Variants in TF observed in about 807,000 individuals in gnomAD.
TF encodes serotransferrin.
TF carries 55 observed loss-of-function variants against 82.4 expected under a neutral mutation model. The ratio of observed to expected loss-of-function variants is 0.67; its 90% confidence interval spans 0.54 to 0.84. The LOEUF is 0.84. Ranked by LOEUF, TF falls within the 40% of genes least tolerant of loss-of-function variation. The pLI is 0.00. For synonymous variants in TF, 332 were observed against 332.6 expected (o/e 1.00, Z 0.02); for missense variants, 737 against 868.4 (o/e 0.85, Z 1.90).
upstream of TF, among the ~76,000 whole-genome samples, chr3:133,742,785 C>T: frequency 6.6e-6 from 1 of 152,186 alleles, no homozygotes; most frequent in East Asian, 1.9e-4. Context: ...TTGGAAACAA[C>T]AAATATTGGT....
At chr3:133,695,908 C>T in the TF span, among the ~76,000 whole-genome samples, 1 of 152,118 alleles carries the variant, frequency 6.6e-6, no homozygotes, top group Non-Finnish European at 1.5e-5. Context: ...ACAGCATTGA[C>T]AAAGGGAGGA....
At chr3:133,724,378 G>A in the TF span, among the ~76,000 whole-genome samples, 1 of 152,160 alleles carries the variant, frequency 6.6e-6, no homozygotes, top group African/African-American at 2.4e-5. Context: ...TCTCATTGTG[G>A]TTTTGATTTG....
the TF span, among the ~76,000 whole-genome samples, chr3:133,680,351 A>G: frequency 6.6e-6 from 1 of 151,792 alleles, no homozygotes; most frequent in East Asian, 1.9e-4. Context: ...AACTACAGGC[A>G]CATGCCACCA....
chr3:133,675,721 G>A, the TF span, among the ~76,000 whole-genome samples: 1 of 152,194 alleles, frequency 6.6e-6, no homozygotes, highest in East Asian at 1.9e-4. Flanking sequence ...CCAGGCTTGC[G>A]AAGAATTTCA....
chr3:133,678,392 A>G, the TF span, among the ~76,000 whole-genome samples: 4 of 152,196 alleles, frequency 2.6e-5, no homozygotes, highest in Non-Finnish European at 5.9e-5. Context: ...GGGATTGCTG[A>G]GTCAAATGGT....
the TF span, among the ~76,000 whole-genome samples, chr3:133,696,127 A>T: frequency 6.6e-6 from 1 of 152,136 alleles, no homozygotes; most frequent in Admixed American, 6.5e-5. Flanking sequence ...GCATATTGTT[A>T]TAATTGTTCA....
intron 5 of TF, 126 bp downstream of exon 5, chr3:133,755,621 C>A: frequency 2.2e-6 from 3 of 1,352,136 alleles, no homozygotes; most frequent in East Asian, 2.4e-5. Flanking sequence ...TAATCCCCTC[C>A]CAGTGAGTCA....
At chr3:133,672,304 A>G in the TF span, among the ~76,000 whole-genome samples, 3 of 152,202 alleles carry the variant, frequency 2.0e-5, no homozygotes, top group East Asian at 5.8e-4. Flanking sequence ...AAAGAATGCT[A>G]TTCTTACACA....
chr3:133,671,856 T>C, the TF span, among the ~76,000 whole-genome samples: 3 of 146,208 alleles, frequency 2.1e-5, no homozygotes, highest in Non-Finnish European at 4.5e-5. Flanking sequence ...ATAAAGAAGC[T>C]AGAGAAAGAC....
chr3:133,775,331 G>A lies in TF; in HGVS notation c.1688-102G>A, dbSNP rs41296594. ...CCCCAGTGTGGGCACTTCTGCTGGCGAGAAGGCCCAGGTTCTCTACACACC... is the reference window on the plus strand; with the variant it reads ...CCCCAGTGTGGGCACTTCTGCTGGCAAGAAGGCCCAGGTTCTCTACACACC... On this transcript the variant is annotated intron_variant, in intron 14 of 16. Coordinates refer to ENST00000402696, the MANE Select transcript of TF (RefSeq NM_001063.4). 1,404 of 1,242,500 alleles carry A rather than the reference G, an allele frequency of 1.1e-3. 10 individuals are homozygous for A. The African/African-American group carries it at 0.017, about 15-fold the overall frequency. The allele number at this position is 1,242,500 out of a possible 1,614,324, so 77.0% of individuals were successfully genotyped here. A position where few individuals can be genotyped will look rare whatever the true frequency, so the allele number is the denominator to read the frequency against.
At position 133,784,078 on chromosome 3, in the gene TF, T is replaced by C. The variant is rs1934582722; in HGVS notation, c.*5458T>C. The C allele has an allele frequency of 6.6e-6, 1 of 152,308 alleles. No homozygotes were observed. Among genetic ancestry groups the C allele is most frequent in the Non-Finnish European group, 1.5e-5 (1 of 68,116 alleles). The allele number at this position is 152,308 out of a possible 1,614,324, so 9.4% of individuals were successfully genotyped here. A position where few individuals can be genotyped will look rare whatever the true frequency, so the allele number is the denominator to read the frequency against. On this transcript the variant is annotated 3_prime_UTR_variant, in exon 17 of 17. Coordinates refer to ENST00000402696, the MANE Select transcript of TF (RefSeq NM_001063.4). ...GATCCGGGTCTTCGGGTGGCCGCAA[T>C]GTCCCAAGTGGACGACACCCACCTA... is the stretch of plus-strand genomic sequence containing the variant.
intron 6 of TF, 120 bp downstream of exon 6, chr3:133,756,457 C>T (rs2055682770): frequency 8.5e-7 from 1 of 1,181,242 alleles, no homozygotes; most frequent in Admixed American, 2.0e-5. Flanking sequence ...TTTATCATTG[C>T]CTGGGTTTCC....
chr3:133,735,508 G>A, the TF span, among the ~76,000 whole-genome samples: 53 of 152,070 alleles, frequency 3.5e-4, no homozygotes, highest in South Asian at 7.9e-3. Context: ...AAACCCCTCC[G>A]AGCTAAAGGA....
At position 133,759,317 on chromosome 3, in the gene TF, C is replaced by T. The variant is rs776533532; in HGVS notation, c.1191C>T (p.Ile397=). The T allele has an allele frequency of 2.4e-5, 39 of 1,613,430 alleles. 1 individual carries two copies. In the Middle Eastern group the frequency reaches 4.9e-4, roughly 20 times the overall value. ...CVSAETTEDC[I]AKIMNGEADA... is the part of the protein sequence containing the mutation. ...CAGCAGAGACCACCGAAGACTGCAT[C>T]GCCAAGATCATGGTATGTCACTCCA... The change falls in exon 9 of 17, where the codon ATC becomes ATT. Residue 397 remains isoleucine, a synonymous_variant. Transcript: ENST00000402696.
the TF span, among the ~76,000 whole-genome samples, chr3:133,732,697 A>G: frequency 6.6e-6 from 1 of 152,210 alleles, no homozygotes; most frequent in Non-Finnish European, 1.5e-5. Flanking sequence ...AAAACTCCAG[A>G]CACGTCTGAA....
At chr3:133,729,818 G>C in the TF span, among the ~76,000 whole-genome samples, 1 of 151,900 alleles carries the variant, frequency 6.6e-6, no homozygotes, top group African/African-American at 2.4e-5. Flanking sequence ...CCCCCCGTTT[G>C]GTTCTTTTAT....
chr3:133,748,955 T>G (rs1442651632), intron 2 of TF, among the ~76,000 whole-genome samples: 1 of 151,398 alleles, frequency 6.6e-6, no homozygotes, highest in East Asian at 2.0e-4. Context: ...AGGTCAGGAG[T>G]TCGAGACCAG....
At chr3:133,709,182 T>G in the TF span, among the ~76,000 whole-genome samples, 1 of 152,058 alleles carries the variant, frequency 6.6e-6, no homozygotes, top group Non-Finnish European at 1.5e-5. Flanking sequence ...AAACCTAACA[T>G]CTCCAAGAAT....
intron 11 of TF, among the ~76,000 whole-genome samples, chr3:133,765,647 T>C (rs1934109546): frequency 6.6e-6 from 1 of 152,190 alleles, no homozygotes; most frequent in Non-Finnish European, 1.5e-5. Context: ...GAAAAAGCCA[T>C]TCTTATTCTA....
Sources: gnomAD v4.1 joint callset for allele counts (sites outside exome capture counted in the v4.1 genomes callset) on GRCh38, gnomAD v4.1.1 for gene constraint, MANE v1.5 for transcripts, NCBI Gene and HGNC (gene_info 2026-07-23, HGNC 2026-07-21) for gene names.